The following HSPA4L variants were observed in gnomAD, a reference collection of about 807,000 sequenced individuals.
HSPA4L encodes heat shock 70 kDa protein 4L.
Under a neutral mutation model 100.3 loss-of-function variants are expected in HSPA4L, and 48 were observed. The ratio of observed to expected loss-of-function variants is 0.48; its 90% CI spans 0.38 to 0.61. The LOEUF (loss-of-function observed/expected upper bound fraction) is 0.61. HSPA4L is among the 20% of genes least tolerant of loss of function. The probability of loss-of-function intolerance (pLI) is 0.00; values close to 1 mark genes in which losing one functional copy is unlikely to be tolerated. For missense variants in HSPA4L, 886 were observed against 988.6 expected (o/e 0.90, Z 1.39); for synonymous variants, 319 against 328.2 (o/e 0.97, Z 0.30).
intron 6 of HSPA4L, among the ~76,000 whole-genome samples, chr4:127,802,355 AG>A (rs1733214093): frequency 6.6e-6 from 1 of 152,160 alleles, no homozygotes; most frequent in African/African-American, 2.4e-5. Flanking sequence ...CTTACAAATT[AG>A]GTTTATAATC....
chr4:127,803,036 C>T (rs963091522), intron 6 of HSPA4L, among the ~76,000 whole-genome samples: 5 of 152,134 alleles, frequency 3.3e-5, no homozygotes, highest in Admixed American at 1.3e-4. Flanking sequence ...ATTTCTATGA[C>T]TCTCTTCTGC....
chr4:127,797,852 C>T (rs1461901926), intron 3 of HSPA4L, among the ~76,000 whole-genome samples: 3 of 152,018 alleles, frequency 2.0e-5, no homozygotes, highest in Admixed American at 6.6e-5. Flanking sequence ...CTGCTCGCCT[C>T]GGCCTCCCAA....
chr4:127,812,616 A>C (rs1733565873), intron 12 of HSPA4L: 1 of 642,936 alleles, frequency 1.6e-6, no homozygotes, highest in Non-Finnish European at 2.7e-6. Context: ...TTGTCTAATT[A>C]CAATTGGAAG....
At chr4:127,808,192 A>G in intron 11 of HSPA4L, 63 bp downstream of exon 11, 4 of 1,352,940 alleles carry the variant, frequency 3.0e-6, no homozygotes, top group Non-Finnish European at 4.1e-6. Context: ...TTATTTTAGA[A>G]TCAAGGAAAC....
intron 8 of HSPA4L, 71 bp downstream of exon 8, chr4:127,804,158 A>G: frequency 8.4e-7 from 1 of 1,191,444 alleles, no homozygotes; most frequent in Non-Finnish European, 1.2e-6. Context: ...AGATAATGAT[A>G]AAATAAATTT....
chr4:127,801,067 GTAAT>G (rs1733160856), intron 4 of HSPA4L, 67 bp from the exon 5 acceptor site: 1 of 1,111,548 alleles, frequency 9.0e-7, no homozygotes, highest in Non-Finnish European at 1.3e-6. Flanking sequence ...AAGTTTTAGG[GTAAT>G]TATATTTTTC....
In HSPA4L at chr4:127,823,606, T is replaced by C; in HGVS notation, c.2028T>C (p.Asp676=). 1 of 1,611,826 alleles carries C rather than the reference T, an allele frequency of 6.2e-7. No homozygotes were observed. The highest frequency in any genetic ancestry group is 1.1e-5 in the South Asian group (1 of 90,990). Residue 676 remains aspartate, a synonymous_variant, in exon 16 of 19, where the codon GAT becomes GAC. Transcript: ENST00000296464. ...GEDQPKQVYV[D]KLQELKKYGQ... ...ACCAACCTAAACAAGTTTATGTGGA[T>C]AAGCTTCAAGAACTAAAGGTACATT...
intron 12 of HSPA4L, among the ~76,000 whole-genome samples, chr4:127,812,420 A>AC (rs1451164529): frequency 2.0e-5 from 3 of 150,916 alleles, no homozygotes; most frequent in South Asian, 2.1e-4. Context: ...AAAAAAAAAA[A>AC]CAAAAAAAAA....
At chr4:127,785,116 A>G (rs908645207) in intron 1 of HSPA4L, among the ~76,000 whole-genome samples, 1 of 152,234 alleles carries the variant, frequency 6.6e-6, no homozygotes, top group Admixed American at 6.5e-5. Flanking sequence ...GTTTTGGCCT[A>G]TAATTAAGGG....
chr4:127,793,007 C>T (rs1732918554), intron 1 of HSPA4L, among the ~76,000 whole-genome samples: 1 of 152,166 alleles, frequency 6.6e-6, no homozygotes, highest in South Asian at 2.1e-4. Flanking sequence ...CAGGGTAGAG[C>T]AGCCAAGGAC....
rs1303550027 is a variant in HSPA4L, at chr4:127,811,481, A to G, written c.1423A>G (p.Ser475Gly). 2 of 1,613,924 alleles carry G rather than the reference A, an allele frequency of 1.2e-6. No homozygotes were observed. The highest frequency in any genetic ancestry group is 1.7e-6 in the Non-Finnish European group (2 of 1,179,998). ...TGTTTTTCCACAGTCTGATGGTGAT[A>G]GTTCCAAAGTGAAGGTTAAAGTTCG... is the stretch of plus-strand genomic sequence containing the variant. ...QNVFPQSDGD[S>G]SKVKVKVRVN... The change falls in exon 12 of 19, where the codon AGT (serine) becomes GGT (glycine). Residue 475 changes from serine to glycine, a missense_variant. By Grantham distance (56) the Ser-to-Gly change is moderately conservative. Coordinates refer to ENST00000296464, the MANE Select transcript of HSPA4L (RefSeq NM_014278.4).
Position 127,832,845 on chromosome 4 carries a change from A to G in HSPA4L, c.2491A>G (p.Lys831Glu). Residue 831 changes from lysine (K) to glutamate (E), a missense_variant, in exon 19 of 19, where the codon AAA becomes GAA. Transcript: ENST00000296464. ...DSTKDSSQHT[K>E]SSGEMEVD ...AACAAAAGACAGCTCACAGCATACTAAATCCTCTGGAGAGATGGAAGTGGA... is the reference window on the plus strand; with the variant it reads ...AACAAAAGACAGCTCACAGCATACTGAATCCTCTGGAGAGATGGAAGTGGA... The G allele has an allele frequency of 6.2e-7, 1 of 1,610,808 alleles. No homozygotes were observed. The highest frequency in any genetic ancestry group is 1.1e-5 in the South Asian group (1 of 90,132).
Position 127,782,394 on chromosome 4 carries a change from T to G in HSPA4L, c.-157T>G. 1.6e-6 allele frequency: 1 copy of G among 631,872 alleles called. No homozygotes were observed. The highest frequency in any genetic ancestry group is 2.9e-6 in the Non-Finnish European group (1 of 348,240). The allele number at this position is 631,872 out of a possible 1,614,324, so 39.1% of individuals were successfully genotyped here. A position where few individuals can be genotyped will look rare whatever the true frequency, so the allele number is the denominator to read the frequency against. Reference sequence around the variant, plus strand: ...GACGGCCTCTGCTCCTTCCGCGGGTTTCCGACTCCCTGCCCTAGATTTTCT... The same window carrying G: ...GACGGCCTCTGCTCCTTCCGCGGGTGTCCGACTCCCTGCCCTAGATTTTCT... On this transcript the variant is annotated 5_prime_UTR_variant, in exon 1 of 19. Transcript: ENST00000296464.
At chr4:127,828,720 A>G (rs1391948761) in intron 17 of HSPA4L, among the ~76,000 whole-genome samples, 5 of 152,168 alleles carry the variant, frequency 3.3e-5, no homozygotes, top group African/African-American at 1.2e-4. Flanking sequence ...TTGTTCTTAT[A>G]GGCACAGATA....
chr4:127,787,380 T>C (rs1368399840), intron 1 of HSPA4L, among the ~76,000 whole-genome samples: 1 of 152,200 alleles, frequency 6.6e-6, no homozygotes, highest in Non-Finnish European at 1.5e-5. Context: ...TGTTTTACTA[T>C]TTGAGCTTAT....
intron 18 of HSPA4L, 72 bp from the exon 19 acceptor site, chr4:127,832,611 G>A: frequency 1.6e-6 from 2 of 1,280,146 alleles, no homozygotes; most frequent in Non-Finnish European, 2.1e-6. Context: ...GAAAGTTAAT[G>A]TGGAATTTAG....
At chr4:127,781,831 C>G (rs991731237), upstream of HSPA4L, 2 of 264,850 alleles carry the variant, frequency 7.6e-6, no homozygotes, top group Non-Finnish European at 7.7e-6. Flanking sequence ...ATGGGCCCCT[C>G]GGGGAGGCGA....
chr4:127,782,249 T>C, upstream of HSPA4L: 1 of 409,608 alleles, frequency 2.4e-6, no homozygotes, highest in South Asian at 2.2e-5. Context: ...GAGCGGAGGC[T>C]CGCGCGCCTC....
At position 127,782,657 on chromosome 4, in the gene HSPA4L, C is replaced by T. The variant is rs760746770; in HGVS notation, c.107C>T (p.Pro36Leu). 6.2e-7 allele frequency: 1 copy of T among 1,600,926 alleles called. No individual in the cohort carries two copies. Among genetic ancestry groups the T allele is most frequent in the East Asian group, 2.3e-5 (1 of 44,260 alleles). Residue 36 changes from proline to leucine, a missense_variant and splice_region_variant, in exon 1 of 19, where the codon CCG (proline) becomes CTG (leucine). Physicochemically the swap from Pro to Leu is moderately conservative, Grantham distance 98 (BLOSUM62 -3). Coordinates refer to ENST00000296464, the MANE Select transcript of HSPA4L (RefSeq NM_014278.4). ...IANEYSDRCT[P>L]ACISLGSRTR... ...AATGAGTACAGCGACAGGTGTACCC[C>T]GTAAGTGCCTCTGCTGAGCATCACC... is the stretch of plus-strand genomic sequence containing the variant.
Sources: gnomAD v4.1 joint callset for allele counts (sites outside exome capture counted in the v4.1 genomes callset) on GRCh38, gnomAD v4.1.1 for gene constraint, MANE v1.5 for transcripts, NCBI Gene and HGNC (gene_info 2026-07-23, HGNC 2026-07-21) for gene names.